The following CLN5 variants were observed in gnomAD, a reference collection of about 807,000 sequenced individuals.
CLN5 encodes the protein CLN5 lysosomal BMP synthase.
In CLN5, 34 loss-of-function variants were observed where a neutral mutation model predicts 36.7. The ratio of observed to expected loss-of-function variants is 0.93; its 90% confidence interval spans 0.71 to 1.23. The LOEUF (loss-of-function observed/expected upper bound fraction) is 1.23, where lower values mean the gene tolerates loss of function less well. Ranked by LOEUF, CLN5 falls within the 50% of genes most tolerant of loss-of-function variation. The pLI, the probability that CLN5 is intolerant of heterozygous loss-of-function variation, is 0.00. For synonymous variants in CLN5, 151 were observed against 155.1 expected (o/e 0.97, Z 0.20); for missense variants, 427 against 439.4 (o/e 0.97, Z 0.25).
chr13:76,996,035 G>A lies in CLN5; in HGVS notation c.473G>A (p.Trp158Ter). 6.2e-7 allele frequency: 1 copy of A among 1,614,206 alleles called. No individual in the cohort carries two copies. Residue 158 changes from tryptophan (W) to a stop codon, truncating the protein, a stop_gained, in exon 3 of 4, where the codon TGG becomes TAG. Transcript: ENST00000377453. LOFTEE classifies it high-confidence loss of function. ...HLRPEMDAPF[W>*]CNQGAACFFE... is the part of the protein sequence containing the mutation. ...CGACCTGAAATGGATGCCCCTTTCT[G>A]GTGTAATCAAGGCGCTGCCTGCTTT...
chr13:76,996,085 TG>T lies in CLN5; in HGVS notation c.525del (p.Trp175Ter), dbSNP rs587780315. The T allele has an allele frequency of 8.1e-6, 13 of 1,614,090 alleles. No individual in the cohort carries two copies. The highest frequency in any genetic ancestry group is 1.1e-5 in the Non-Finnish European group (13 of 1,180,042). ...TTTTGAGGGAATTGATGATGTTCAC[TG>T]GAAGGAAAATGGGACATTAGTTCAA... is the stretch of plus-strand genomic sequence containing the variant. ...CFFEGIDDVH[W>X]KENGTLVQVA... On this transcript the variant is annotated frameshift_variant, in exon 3 of 4. Coordinates refer to ENST00000377453, the MANE Select transcript of CLN5 (RefSeq NM_006493.4). LOFTEE classifies it high-confidence loss of function.
rs771851983 is a variant in CLN5 at position 77,000,894 on chromosome 13, G to A, written c.1002G>A (p.Met334Ile). 2 of 1,593,368 alleles carry A rather than the reference G, an allele frequency of 1.3e-6. No homozygotes were observed. Among genetic ancestry groups the A allele is most frequent in the South Asian group, 2.3e-5 (2 of 86,976 alleles). The change falls in exon 4 of 4, where the codon ATG becomes ATA. Residue 334 changes from methionine (M) to isoleucine (I), a missense_variant. Transcript: ENST00000377453. ...FYNFEYWFLP[M>I]KFPFIKITYE... is the part of the protein sequence containing the mutation. ...ATTTTGAATATTGGTTTTTACCTAT[G>A]AAATTCCCTTTTATTAAAATAACAT...
At chr13:77,000,366 C>G in intron 3 of CLN5, 92 bp from the exon 4 acceptor site, 1 of 1,210,736 alleles carries the variant, frequency 8.3e-7, no homozygotes, top group Non-Finnish European at 1.1e-6. Context: ...GCCTCGGCAA[C>G]AGAGGGAGAC....
chr13:76,995,101 A>C lies in CLN5; in HGVS notation c.212A>C (p.Gln71Pro). ...DFRPKPDPYC[Q>P]AKYTFCPTGS... is the part of the protein sequence containing the mutation. ...CGTCCAAAACCTGATCCTTATTGTCAAGCTAAGTATACTTTCTGTCCAACT... is the reference window on the plus strand; with the variant it reads ...CGTCCAAAACCTGATCCTTATTGTCCAGCTAAGTATACTTTCTGTCCAACT... Residue 71 changes from glutamine (Q) to proline (P), a missense_variant, in exon 2 of 4, where the codon CAA (glutamine) becomes CCA (proline). Transcript: ENST00000377453. The C allele has an allele frequency of 3.1e-6, 5 of 1,614,014 alleles. No individual in the cohort carries two copies. The highest frequency in any genetic ancestry group is 3.4e-6 in the Non-Finnish European group (4 of 1,179,986).
chr13:77,001,112 C>T lies in CLN5; in HGVS notation c.*143C>T, dbSNP rs905654660. 7.5e-6 allele frequency: 5 copies of T among 670,742 alleles called. No individual in the cohort carries two copies. The highest frequency in any genetic ancestry group is 1.2e-5 in the Non-Finnish European group (5 of 402,048). 41.5% of individuals were successfully genotyped at this position (670,742 alleles called of 1,614,324 possible). The stretch of plus-strand genomic sequence containing the variant: ...CATCAGCAGAATTGCTGCATATTAA[C>T]ATCTCAGGACTCTTCTCTTGTAAAG... On this transcript the variant is annotated 3_prime_UTR_variant, in exon 4 of 4. Transcript: ENST00000377453.
At chr13:76,998,058 C>A in intron 3 of CLN5, 1 of 152,500 alleles carries the variant, frequency 6.6e-6, no homozygotes, top group Non-Finnish European at 1.5e-5. Context: ...GAAACTGAGG[C>A]ACAGAGAGGT....
Position 77,002,762 on chromosome 13 carries a change from G to C in CLN5, c.*1793G>C, listed in dbSNP as rs2034384589. The C allele has an allele frequency of 6.6e-6, 1 of 152,016 alleles. No homozygotes were observed. The highest frequency in any genetic ancestry group is 1.5e-5 in the Non-Finnish European group (1 of 68,030). The allele number at this position is 152,016 out of a possible 1,614,324, so 9.4% of individuals were successfully genotyped here. On this transcript the variant is annotated 3_prime_UTR_variant, in exon 4 of 4. Transcript: ENST00000377453. ...TTTTCACAATGTTACAAGAAAACTT[G>C]GATCTGTGCATTATCACCATCTAGT... is the stretch of plus-strand genomic sequence containing the variant.
At chr13:76,995,830 T>C in intron 2 of CLN5, 72 bp from the exon 3 acceptor site, 3 of 1,103,442 alleles carry the variant, frequency 2.7e-6, no homozygotes, top group Non-Finnish European at 2.8e-6. Context: ...TGTGCCACAT[T>C]TTCTCCTATC....
chr13:76,998,638 T>C (rs971593535), intron 3 of CLN5: 1 of 152,210 alleles, frequency 6.6e-6, no homozygotes, highest in Non-Finnish European at 1.5e-5. Context: ...AAGATACTCA[T>C]TCTCTGCAAA....
Position 77,001,009 on chromosome 13 carries a change from G to C in CLN5, c.*40G>C, listed in dbSNP as rs777575688. ...ACTGCTCTTTTTTCTCCAATCACCAGCATCTGTTTTTCAGGGGGTGATTTT... is the reference window on the plus strand; with the variant it reads ...ACTGCTCTTTTTTCTCCAATCACCACCATCTGTTTTTCAGGGGGTGATTTT... On this transcript the variant is annotated 3_prime_UTR_variant, in exon 4 of 4. Transcript: ENST00000377453. 1.3e-6 allele frequency: 2 copies of C among 1,571,220 alleles called. No homozygotes were observed. Among genetic ancestry groups the C allele is most frequent in the Admixed American group, 1.7e-5 (1 of 58,990 alleles).
chr13:77,001,091 A>G lies in CLN5; in HGVS notation c.*122A>G, dbSNP rs1053461205. Reference sequence around the variant, plus strand: ...GGTGCATAAAGTTAAAATGCACATCAGCAGAATTGCTGCATATTAACATCT... The same window carrying G: ...GGTGCATAAAGTTAAAATGCACATCGGCAGAATTGCTGCATATTAACATCT... On this transcript the variant is annotated 3_prime_UTR_variant, in exon 4 of 4. Coordinates refer to ENST00000377453, the MANE Select transcript of CLN5 (RefSeq NM_006493.4). 6 of 828,060 alleles carry G rather than the reference A, an allele frequency of 7.2e-6. No homozygotes were observed. In the African/African-American group the frequency reaches 1.0e-4, roughly 14 times the overall value. 51.3% of individuals were successfully genotyped at this position (828,060 alleles called of 1,614,324 possible). A position where few individuals can be genotyped will look rare whatever the true frequency, so the allele number is the denominator to read the frequency against.
rs9573975 is a variant in CLN5 at position 77,003,320 on chromosome 13, A to T, written c.*2351A>T. Reference sequence around the variant, plus strand: ...GAGCGAGACTCCGTCTCAAAAAAAAAGCATTCAAGATTTTTCATTGTTCCT... The same window carrying T: ...GAGCGAGACTCCGTCTCAAAAAAAATGCATTCAAGATTTTTCATTGTTCCT... On this transcript the variant is annotated 3_prime_UTR_variant, in exon 4 of 4. Coordinates refer to ENST00000377453, the MANE Select transcript of CLN5 (RefSeq NM_006493.4). 1 of 152,144 alleles carries T rather than the reference A, an allele frequency of 6.6e-6. No homozygotes were observed. The highest frequency in any genetic ancestry group is 1.5e-5 in the Non-Finnish European group (1 of 68,032). The allele number at this position is 152,144 out of a possible 1,614,324, so 9.4% of individuals were successfully genotyped here.
chr13:76,995,238 C>T lies in CLN5; in HGVS notation c.339+10C>T. 1.9e-6 allele frequency: 3 copies of T among 1,612,834 alleles called. No homozygotes were observed. Among genetic ancestry groups the T allele is most frequent in the Non-Finnish European group, 2.5e-6 (3 of 1,178,944 alleles). On this transcript the variant is annotated intron_variant, in intron 2 of 3. Transcript: ENST00000377453. ...CCTCCTGGGACACTTGGTAAGGATGCATCTTGGTCTTATAACTTTGGTTAA... is the reference window on the plus strand; with the variant it reads ...CCTCCTGGGACACTTGGTAAGGATGTATCTTGGTCTTATAACTTTGGTTAA...
rs888764075 is a variant in CLN5, at chr13:77,004,045, G to C, written c.*3076G>C. 6.6e-6 allele frequency: 1 copy of C among 151,634 alleles called. No homozygotes were observed. Among genetic ancestry groups the C allele is most frequent in the Non-Finnish European group, 1.5e-5 (1 of 68,022 alleles). The allele number at this position is 151,634 out of a possible 1,614,324, so 9.4% of individuals were successfully genotyped here. ...ATTAATCTGGCACAAAATTAGTTAA[G>C]TAAGTATACCCACAAAGTGTCATCT... is the stretch of plus-strand genomic sequence containing the variant. On this transcript the variant is annotated 3_prime_UTR_variant, in exon 4 of 4. Transcript: ENST00000377453.
In CLN5 at chr13:77,003,570, CTTTGAGCA is replaced by C; in HGVS notation, c.*2602_*2609del. On this transcript the variant is annotated 3_prime_UTR_variant, in exon 4 of 4. Coordinates refer to ENST00000377453, the MANE Select transcript of CLN5 (RefSeq NM_006493.4). ...AATCTGCCAATTAAGTTTTGCTGCC[CTTTGAGCA>C]ATATGACTTAATGTGATTTACTTTA... 1 of 152,308 alleles carries C rather than the reference CTTTGAGCA, an allele frequency of 6.6e-6. No individual in the cohort carries two copies. Among genetic ancestry groups the C allele is most frequent in the East Asian group, 1.9e-4 (1 of 5,182 alleles). 9.4% of individuals were successfully genotyped at this position (152,308 alleles called of 1,614,324 possible).
At position 76,992,239 on chromosome 13, in the gene CLN5, C is replaced by A. The variant is rs2034191533; in HGVS notation, c.141C>A (p.Ile47=). 1 of 1,588,598 alleles carries A rather than the reference C, an allele frequency of 6.3e-7. No homozygotes were observed. ...VVPGWSRVSG[I]PSRRHWPVPY... is the part of the protein sequence containing the mutation. ...CGGGCTGGTCCCGGGTCTCGGGCAT[C>A]CCCTCCCGGCGCCACTGGCCGGTGC... The change falls in exon 1 of 4, where the codon ATC becomes ATA. Residue 47 remains isoleucine (I), a synonymous_variant. Transcript: ENST00000377453.
chr13:76,998,705 G>C (rs773229025), intron 3 of CLN5: 2 of 152,222 alleles, frequency 1.3e-5, no homozygotes, highest in African/African-American at 2.4e-5. Context: ...AGGTCAAAGA[G>C]CTGGATGTAG....
At chr13:76,995,429 C>T in intron 2 of CLN5, 1 of 605,570 alleles carries the variant, frequency 1.7e-6, no homozygotes. Context: ...CACCATTATC[C>T]ATTGTAATAT....
At chr13:76,996,998 GGAGT>G (rs2034279164) in intron 3 of CLN5, 1 of 152,096 alleles carries the variant, frequency 6.6e-6, no homozygotes, top group Non-Finnish European at 1.5e-5. Flanking sequence ...CATTCTTGCA[GGAGT>G]GAGGCGGTAT....
Sources: gnomAD v4.1 joint callset for allele counts on GRCh38, gnomAD v4.1.1 for gene constraint, MANE v1.5 for transcripts, NCBI Gene and HGNC (gene_info 2026-07-23, HGNC 2026-07-21) for gene names.